Variants in ZFYVE26 observed in about 807,000 individuals in gnomAD.
The protein encoded by ZFYVE26 is zinc finger FYVE-type containing 26, also known as zinc finger FYVE domain-containing protein 26.
ZFYVE26 carries 181 observed loss-of-function variants against 276.5 expected under a neutral mutation model. The observed-to-expected ratio is 0.65, with a 90% CI of 0.58 to 0.74. The LOEUF is 0.74. ZFYVE26 is among the 30% of genes least tolerant of loss of function. ZFYVE26 has a pLI of 0.00. For synonymous variants in ZFYVE26, 1,129 were observed against 1,203.1 expected, an observed-to-expected ratio of 0.94 and a Z score of 1.27; for missense variants, 2,821 against 3,097.9, an observed-to-expected ratio of 0.91 and a Z score of 2.12.
intron 32 of ZFYVE26, among the ~76,000 whole-genome samples, chr14:67,763,034 C>G (rs1169782800): frequency 6.6e-6 from 1 of 152,226 alleles, no homozygotes; most frequent in Non-Finnish European, 1.5e-5. Flanking sequence ...TCTCCAGTAT[C>G]TGGGATTACA....
Position 67,752,545 on chromosome 14 carries a change from T to C in ZFYVE26, c.7189-19A>G. On this transcript the variant is annotated intron_variant, in intron 39 of 41. Transcript: ENST00000347230. ...GGAAGTCCTAGAACAGAACACAACA[T>C]GATGGGCTTAGGAGCAGGAAACGTT... 6.2e-7 allele frequency: 1 copy of C among 1,613,886 alleles called. No homozygotes were observed. The highest frequency in any genetic ancestry group is 8.5e-7 in the Non-Finnish European group (1 of 1,179,952).
chr14:67,811,733 G>A, intron 3 of ZFYVE26, among the ~76,000 whole-genome samples: 1 of 150,038 alleles, frequency 6.7e-6, no homozygotes, highest in Non-Finnish European at 1.5e-5. Flanking sequence ...TAACATATAT[G>A]TTATATTTTA....
chr14:67,799,641 T>C (rs1337345650), intron 10 of ZFYVE26: 1 of 1,370,488 alleles, frequency 7.3e-7, no homozygotes, highest in Non-Finnish European at 1.0e-6. Context: ...TCCTTAGGTG[T>C]AAATTGATGC....
chr14:67,799,306 G>C, intron 10 of ZFYVE26: 1 of 1,613,524 alleles, frequency 6.2e-7, no homozygotes, highest in Non-Finnish European at 8.5e-7. Context: ...CCAGGATAAG[G>C]AATATTGTTC....
At chr14:67,808,059 G>C in intron 4 of ZFYVE26, 139 bp from the exon 5 acceptor site, 1 of 1,012,620 alleles carries the variant, frequency 9.9e-7, no homozygotes, top group Non-Finnish European at 1.4e-6. Context: ...GTTACTATGT[G>C]TTAGACATTG....
chr14:67,770,284 C>A, intron 28 of ZFYVE26: 1 of 165,618 alleles, frequency 6.0e-6, no homozygotes, highest in South Asian at 1.5e-4. Context: ...GCCAACATGG[C>A]GAAACCCCAT....
chr14:67,776,188 A>G, intron 25 of ZFYVE26, 82 bp from the exon 26 acceptor site: 1 of 1,594,670 alleles, frequency 6.3e-7, no homozygotes, highest in Non-Finnish European at 8.6e-7. Flanking sequence ...TGGGAAGGGG[A>G]AGGGTGCATG....
intron 36 of ZFYVE26, 146 bp from the exon 37 acceptor site, chr14:67,755,396 A>C (rs2140184718): frequency 5.2e-6 from 5 of 952,728 alleles, no homozygotes; most frequent in Non-Finnish European, 6.5e-6. Context: ...ATTTTGAGCC[A>C]GTCACCCCCA....
At chr14:67,745,008 G>A (rs1262074723), downstream of ZFYVE26, among the ~76,000 whole-genome samples, 1 of 152,122 alleles carries the variant, frequency 6.6e-6, no homozygotes, top group Non-Finnish European at 1.5e-5. Flanking sequence ...CACAATGGTT[G>A]AACTAATTTA....
At chr14:67,785,442 C>T (rs1318062758) in intron 18 of ZFYVE26, among the ~76,000 whole-genome samples, 165 bp from the exon 19 acceptor site, 1 of 152,194 alleles carries the variant, frequency 6.6e-6, no homozygotes, top group Non-Finnish European at 1.5e-5. Flanking sequence ...CTAAGTCAGT[C>T]ACTTGGACAA....
chr14:67,743,823 G>C (rs1202981065), downstream of ZFYVE26, among the ~76,000 whole-genome samples: 1 of 152,154 alleles, frequency 6.6e-6, no homozygotes, highest in Non-Finnish European at 1.5e-5. Flanking sequence ...GTGGGATGAA[G>C]AGAAAGCATA....
chr14:67,778,350 T>C, intron 23 of ZFYVE26, 102 bp from the exon 24 acceptor site: 2 of 1,456,134 alleles, frequency 1.4e-6, no homozygotes, highest in Admixed American at 1.7e-5. Flanking sequence ...TAAGTGCTGA[T>C]GGGAACTTCA....
chr14:67,809,924 A>T (rs571608419), intron 3 of ZFYVE26, among the ~76,000 whole-genome samples: 81 of 151,844 alleles, frequency 5.3e-4, no homozygotes, highest in Admixed American at 1.7e-3. Context: ...AGCTGGGACT[A>T]TAGGCGTGTG....
chr14:67,776,577 C>G (rs1207996151), intron 25 of ZFYVE26, among the ~76,000 whole-genome samples: 1 of 152,190 alleles, frequency 6.6e-6, no homozygotes, highest in Non-Finnish European at 1.5e-5. Flanking sequence ...ACCCTTAATG[C>G]CACCATTCTG....
intron 3 of ZFYVE26, among the ~76,000 whole-genome samples, chr14:67,810,975 A>C (rs550642187): frequency 6.6e-6 from 1 of 152,318 alleles, no homozygotes; most frequent in South Asian, 2.1e-4. Context: ...CATTCACCAC[A>C]TCAGAGGCTA....
At chr14:67,738,750 T>C (rs2038380995) in intron 13 of ZFYVE26, among the ~76,000 whole-genome samples, 2 of 152,192 alleles carry the variant, frequency 1.3e-5, no homozygotes, top group South Asian at 4.1e-4. Flanking sequence ...TATTCTTATA[T>C]CTTACTTGAA....
At chr14:67,796,369 C>T (rs958897688) in intron 12 of ZFYVE26, 3 of 151,850 alleles carry the variant, frequency 2.0e-5, no homozygotes, top group African/African-American at 7.3e-5. Flanking sequence ...CTACACCGAG[C>T]TAACTTTCAT....
intron 3 of ZFYVE26, among the ~76,000 whole-genome samples, chr14:67,811,568 G>A (rs1172438065): frequency 2.6e-5 from 4 of 151,840 alleles, no homozygotes; most frequent in East Asian, 3.9e-4. Flanking sequence ...ATAACTTTAC[G>A]GTTACAAGAG....
intron 35 of ZFYVE26, 195 bp from the exon 36 acceptor site, chr14:67,756,340 G>A: frequency 7.5e-6 from 5 of 663,370 alleles, no homozygotes; most frequent in Non-Finnish European, 7.9e-6. Context: ...TCCTTTTACA[G>A]AGAAGCCCCT....
Sources: gnomAD v4.1 joint callset for allele counts (sites outside exome capture counted in the v4.1 genomes callset) on GRCh38, gnomAD v4.1.1 for gene constraint, MANE v1.5 for transcripts, NCBI Gene and HGNC (gene_info 2026-07-23, HGNC 2026-07-21) for gene names.